ZNF716: variants seen among roughly 807,000 people sequenced by gnomAD.
The protein encoded by ZNF716 is zinc finger protein 716.
Under a neutral mutation model 13.4 loss-of-function variants are expected in ZNF716, and 9 were observed. That is an observed-to-expected ratio of 0.67 (90% CI 0.41 to 1.18). The LOEUF is 1.18. Ranked by LOEUF, ZNF716 falls within the 50% of genes most tolerant of loss-of-function variation. ZNF716 has a pLI of 0.01. For missense variants in ZNF716, 581 were observed against 576.6 expected (o/e 1.01, Z -0.08); for synonymous variants, 186 against 195.2 (o/e 0.95, Z 0.39).
At chr7:57,451,278 G>A (rs1789487882) in intron 1 of ZNF716, among the ~76,000 whole-genome samples, 1 of 151,834 alleles carries the variant, frequency 6.6e-6, no homozygotes, top group Non-Finnish European at 1.5e-5. Context: ...GCCTCCGAAA[G>A]TGCTGGGATT....
At chr7:57,463,439 A>G (rs528862443) in intron 3 of ZNF716, among the ~76,000 whole-genome samples, 1 of 152,284 alleles carries the variant, frequency 6.6e-6, no homozygotes, top group South Asian at 2.1e-4. Context: ...GACTGCAAAA[A>G]CTGACTGCTT....
At position 57,470,056 on chromosome 7, in the gene ZNF716, C is replaced by A. The variant is rs1174018716; in HGVS notation, c.*107C>A. 2.0e-5 allele frequency: 21 copies of A among 1,055,144 alleles called. No individual in the cohort carries two copies. Among genetic ancestry groups the A allele is most frequent in the Non-Finnish European group, 2.8e-5 (21 of 744,970 alleles). 65.4% of individuals were successfully genotyped at this position (1,055,144 alleles called of 1,614,324 possible). On this transcript the variant is annotated 3_prime_UTR_variant, in exon 4 of 4. Transcript: ENST00000420713. ...GGCCAATTCTTTAACCAGTTCCAAA[C>A]CACTGCTGTCCATAAGATAATTCAT...
chr7:57,466,729 T>C (rs1255947180), intron 3 of ZNF716, among the ~76,000 whole-genome samples: 2 of 152,184 alleles, frequency 1.3e-5, no homozygotes, highest in Non-Finnish European at 2.9e-5. Flanking sequence ...CAGAATGAAT[T>C]AATACACTAT....
chr7:57,454,469 A>G (rs1789551351), intron 1 of ZNF716, among the ~76,000 whole-genome samples: 2 of 152,182 alleles, frequency 1.3e-5, no homozygotes, highest in South Asian at 4.1e-4. Context: ...GGAGCCTGCA[A>G]AAGGAGATTA....
rs782195781 is a variant in ZNF716 at position 57,469,468 on chromosome 7, C to G, written c.1007C>G (p.Ser336Cys). The change falls in exon 4 of 4, where the codon TCC (serine) becomes TGC (cysteine). Residue 336 changes from serine to cysteine, a missense_variant. Coordinates refer to ENST00000420713, the MANE Select transcript of ZNF716 (RefSeq NM_001159279.1). ...GAATGTGGCAAAGCCTTTAGCTTAT[C>G]CTCAACCCTTAAGAAACATAAGATA... The part of the protein sequence containing the change: ...CEECGKAFSL[S>C]STLKKHKIVH... 2 of 1,613,622 alleles carry G rather than the reference C, an allele frequency of 1.2e-6. No individual in the cohort carries two copies. Among genetic ancestry groups the G allele is most frequent in the African/African-American group, 2.7e-5 (2 of 74,986 alleles).
At chr7:57,457,894 G>T (rs569783756) in intron 1 of ZNF716, among the ~76,000 whole-genome samples, 2 of 152,226 alleles carry the variant, frequency 1.3e-5, no homozygotes, top group South Asian at 4.2e-4. Context: ...ACTTATAAGT[G>T]ACAACATACA....
chr7:57,473,195 A>T lies in ZNF716; in HGVS notation c.*3246A>T, dbSNP rs1259938077. The T allele has an allele frequency of 1.3e-5, 2 of 152,176 alleles. No homozygotes were observed. The highest frequency in any genetic ancestry group is 4.8e-5 in the African/African-American group (2 of 41,452). The allele number at this position is 152,176 out of a possible 1,614,324, so 9.4% of individuals were successfully genotyped here. On this transcript the variant is annotated 3_prime_UTR_variant, in exon 4 of 4. Transcript: ENST00000420713. ...TGCTGACAAACAAAAACAGACTTTT[A>T]GTTTCAATTTACATAGAGTTACATA... is the stretch of plus-strand genomic sequence containing the variant.
chr7:57,458,782 C>A, intron 1 of ZNF716, among the ~76,000 whole-genome samples: 1 of 152,086 alleles, frequency 6.6e-6, no homozygotes, highest in East Asian at 1.9e-4. Context: ...ATGTTTCAAC[C>A]TTCTTCATTT....
rs1238863495 is a variant in ZNF716, at chr7:57,450,792, G to A, written c.39+465G>A. On this transcript the variant is annotated intron_variant, in intron 1 of 3. Coordinates refer to ENST00000420713, the MANE Select transcript of ZNF716 (RefSeq NM_001159279.1). ...AAGTGTGATTCAAGAATCTTAGAGC[G>A]CCCAGCTATGGTTTGTGGGTTGTGA... 3.3e-5 allele frequency among the ~76,000 whole-genome samples: 5 copies of A among 152,090 alleles called. No individual in the cohort carries two copies. The South Asian group carries it at 1.0e-3, about 32-fold the overall frequency.
chr7:57,469,564 A>T lies in ZNF716; in HGVS notation c.1103A>T (p.Asn368Ile). The T allele has an allele frequency of 6.2e-7, 1 of 1,601,186 alleles. No individual in the cohort carries two copies. Among genetic ancestry groups the T allele is most frequent in the Non-Finnish European group, 8.5e-7 (1 of 1,175,222 alleles). The change falls in exon 4 of 4, where the codon AAT (asparagine) becomes ATT (isoleucine). Residue 368 changes from asparagine (N) to isoleucine (I), a missense_variant. Transcript: ENST00000420713. ...GKAFTFSSTL[N>I]THKRIHTGEK... ...GCCTTTACCTTCTCCTCAACTCTAA[A>T]TACTCATAAGAGGATTCATACTGGA...
chr7:57,453,789 T>G (rs954035958), intron 1 of ZNF716, among the ~76,000 whole-genome samples: 4 of 152,206 alleles, frequency 2.6e-5, no homozygotes, highest in Non-Finnish European at 5.9e-5. Flanking sequence ...TCAGTCTCTC[T>G]TTTTGCAAAA....
intron 1 of ZNF716, among the ~76,000 whole-genome samples, chr7:57,454,548 T>C (rs10232273): frequency 0.036 from 5,453 of 152,210 alleles, 313 homozygotes; most frequent in East Asian, 0.24. Context: ...ACTCCAGCCA[T>C]GGAAGAAGCC....
intron 1 of ZNF716, among the ~76,000 whole-genome samples, chr7:57,457,599 C>T (rs1789622892): frequency 6.6e-6 from 1 of 152,174 alleles, no homozygotes; most frequent in East Asian, 1.9e-4. Context: ...CCGCCTCGGC[C>T]TTCCAAAGTG....
rs533179808 is a variant in ZNF716, at chr7:57,471,806, A to G, written c.*1857A>G. 1.5e-5 allele frequency: 2 copies of G among 133,854 alleles called. No homozygotes were observed. The highest frequency in any genetic ancestry group is 5.1e-4 in the South Asian group (2 of 3,938). The allele number at this position is 133,854 out of a possible 1,614,324, so 8.3% of individuals were successfully genotyped here. A position where few individuals can be genotyped will look rare whatever the true frequency, so the allele number is the denominator to read the frequency against. On this transcript the variant is annotated 3_prime_UTR_variant, in exon 4 of 4. Coordinates refer to ENST00000420713, the MANE Select transcript of ZNF716 (RefSeq NM_001159279.1). ...TTGAGGATTCACAGTAGAAAGAATG[A>G]AGGTGCTGAAACTTCAGACATTACA... is the stretch of plus-strand genomic sequence containing the variant.
chr7:57,466,786 A>T, intron 3 of ZNF716, among the ~76,000 whole-genome samples: 1 of 151,838 alleles, frequency 6.6e-6, no homozygotes, highest in South Asian at 2.1e-4. Flanking sequence ...CTTTTATTTG[A>T]ATTTTTTTGT....
In ZNF716 at chr7:57,468,792, A is replaced by C; in HGVS notation, c.331A>C (p.Ile111Leu). The C allele has an allele frequency of 6.2e-7, 1 of 1,613,678 alleles. No homozygotes were observed. The highest frequency in any genetic ancestry group is 8.5e-7 in the Non-Finnish European group (1 of 1,179,786). Residue 111 changes from isoleucine to leucine, a missense_variant, in exon 4 of 4, where the codon ATA (isoleucine) becomes CTA (leucine). By Grantham distance (5) the Ile-to-Leu change is conservative. Coordinates refer to ENST00000420713, the MANE Select transcript of ZNF716 (RefSeq NM_001159279.1). ...CATAAAAGATTCACTCCAAAAAGTG[A>C]TACTGAGAAGATATGGAAAATGTGG... is the stretch of plus-strand genomic sequence containing the variant. The part of the protein sequence containing the change: ...QGIKDSLQKV[I>L]LRRYGKCGQE...
chr7:57,450,473 C>A, intron 1 of ZNF716, 146 bp downstream of exon 1: 8 of 1,433,176 alleles, frequency 5.6e-6, no homozygotes, highest in Non-Finnish European at 7.7e-6. Flanking sequence ...GGCTCTTAGT[C>A]CCCTCGAGCG....
At chr7:57,462,154 C>T (rs1285166556) in intron 1 of ZNF716, among the ~76,000 whole-genome samples, 26 of 126,826 alleles carry the variant, frequency 2.1e-4, no homozygotes, top group African/African-American at 6.4e-4. Context: ...GAGTGAGCCT[C>T]GGTTTAAAAA....
Position 57,468,897 on chromosome 7 carries a change from A to G in ZNF716, c.436A>G (p.Asn146Asp). ...GCACAAAGGAGGTTATAATTATGTT[A>G]ACCAATGTTTGTCAGCTACCCAAAA... The part of the protein sequence containing the change: ...EVHKGGYNYV[N>D]QCLSATQNKT... Residue 146 changes from asparagine to aspartate, a missense_variant, in exon 4 of 4, where the codon AAC becomes GAC. Coordinates refer to ENST00000420713, the MANE Select transcript of ZNF716 (RefSeq NM_001159279.1). The G allele has an allele frequency of 6.2e-7, 1 of 1,611,706 alleles. No individual in the cohort carries two copies. The highest frequency in any genetic ancestry group is 8.5e-7 in the Non-Finnish European group (1 of 1,178,040).
Sources: gnomAD v4.1 joint callset for allele counts (sites outside exome capture counted in the v4.1 genomes callset) on GRCh38, gnomAD v4.1.1 for gene constraint, MANE v1.5 for transcripts, NCBI Gene and HGNC (gene_info 2026-07-23, HGNC 2026-07-21) for gene names.